LRBA: variants seen among roughly 807,000 people sequenced by gnomAD.
LRBA encodes LPS responsive beige-like anchor protein, also known as lipopolysaccharide-responsive and beige-like anchor protein.
LRBA carries 176 observed loss-of-function variants against 330.0 expected under a neutral mutation model. The observed-to-expected ratio is 0.53, with a 90% CI of 0.47 to 0.60. The LOEUF (loss-of-function observed/expected upper bound fraction) is 0.60, where lower values mean the gene tolerates loss of function less well. LRBA is among the 20% of genes least tolerant of loss of function. LRBA has a pLI of 0.00. For synonymous variants in LRBA, 1,230 were observed against 1,193.0 expected, an observed-to-expected ratio of 1.03 and a Z score of -0.64; for missense variants, 3,259 against 3,444.8, an observed-to-expected ratio of 0.95 and a Z score of 1.35.
chr4:150,955,293 A>G (rs1367802764), intron 2 of LRBA, among the ~76,000 whole-genome samples: 2 of 149,108 alleles, frequency 1.3e-5, no homozygotes, highest in African/African-American at 5.2e-5. Context: ...GGAAAGGAAA[A>G]AAAGAAAATA....
intron 37 of LRBA, among the ~76,000 whole-genome samples, chr4:150,602,748 A>G (rs1561411677): frequency 6.6e-6 from 1 of 152,182 alleles, no homozygotes. Flanking sequence ...AAATTGGCAA[A>G]TTTATTAATA....
At chr4:150,995,435 T>C (rs149738540) in intron 2 of LRBA, among the ~76,000 whole-genome samples, 7 of 151,496 alleles carry the variant, frequency 4.6e-5, no homozygotes, top group Admixed American at 4.6e-4. Flanking sequence ...TAATCAGATA[T>C]ATAATATAAA....
rs374234338 is a variant in LRBA at position 150,852,709 on chromosome 4, G to A, written c.3001C>T (p.Leu1001=). 1.9e-6 allele frequency: 3 copies of A among 1,613,920 alleles called. No individual in the cohort carries two copies. The highest frequency in any genetic ancestry group is 2.5e-6 in the Non-Finnish European group (3 of 1,179,848). Residue 1001 remains leucine, a synonymous_variant, in exon 23 of 57, where the codon CTA becomes TTA. Transcript: ENST00000651943. ...ENSSIEKTSS[L]ESASNIELQT... ...AGTTCAATATTAGATGCAGATTCTA[G>A]TGAACTTGTCTTCTCTATACTTGAA...
At chr4:151,015,543 C>T (rs1253223453), upstream of LRBA, 1 of 152,952 alleles carries the variant, frequency 6.5e-6, no homozygotes, top group Non-Finnish European at 1.5e-5. Context: ...TCCATGGCTT[C>T]CTGGCCCGCC....
intron 54 of LRBA, 98 bp downstream of exon 54, chr4:150,285,835 A>G: frequency 1.6e-6 from 1 of 634,908 alleles, no homozygotes; most frequent in East Asian, 3.3e-5. Flanking sequence ...CATAACAGAC[A>G]GAAGCTTTAG....
At chr4:150,978,886 G>T (rs1479731435) in intron 2 of LRBA, among the ~76,000 whole-genome samples, 2 of 152,092 alleles carry the variant, frequency 1.3e-5, no homozygotes, top group Admixed American at 1.3e-4. Context: ...ATGCCTACAA[G>T]ATCTAGAAAA....
At chr4:150,436,924 C>G in intron 44 of LRBA, 60 bp from the exon 45 acceptor site, 1 of 1,468,984 alleles carries the variant, frequency 6.8e-7, no homozygotes, top group Non-Finnish European at 9.5e-7. Flanking sequence ...TCATGTCTTC[C>G]TCTCTTCTGA....
intron 46 of LRBA, among the ~76,000 whole-genome samples, chr4:150,421,298 TTA>T (rs1378184639): frequency 7.0e-6 from 1 of 143,582 alleles, no homozygotes; most frequent in Non-Finnish European, 1.5e-5. Flanking sequence ...TATACATATA[TTA>T]TATATATAAA....
At chr4:150,842,086 A>C (rs182003988) in intron 28 of LRBA, among the ~76,000 whole-genome samples, 17 of 152,302 alleles carry the variant, frequency 1.1e-4, no homozygotes, top group Non-Finnish European at 2.5e-4. Flanking sequence ...ATTACAAAAC[A>C]CTTAAAATTA....
chr4:150,916,329 A>G, intron 7 of LRBA, 72 bp downstream of exon 7: 1 of 1,453,344 alleles, frequency 6.9e-7, no homozygotes, highest in Non-Finnish European at 9.3e-7. Flanking sequence ...TTATATGAAT[A>G]ACATTAAAAC....
intron 46 of LRBA, chr4:150,423,504 A>T (rs1581264421): frequency 4.1e-6 from 2 of 492,552 alleles, no homozygotes; most frequent in Admixed American, 2.6e-5. Flanking sequence ...CTTTCCATGG[A>T]CCTGGGTGTC....
intron 40 of LRBA, among the ~76,000 whole-genome samples, chr4:150,524,658 T>C (rs540663643): frequency 6.6e-6 from 1 of 152,288 alleles, no homozygotes; most frequent in South Asian, 2.1e-4. Flanking sequence ...TGAAATACAG[T>C]AGAAAATATC....
Position 150,588,032 on chromosome 4 carries a change from C to A in LRBA, c.6330+16G>T. On this transcript the variant is annotated intron_variant, in intron 40 of 56. Transcript: ENST00000651943. ...ATCCCATCATAAGAAAAAATGAAACCCCTTCATCTTCTCACCTTGGGGTCG... is the reference window on the plus strand; with the variant it reads ...ATCCCATCATAAGAAAAAATGAAACACCTTCATCTTCTCACCTTGGGGTCG... 1 of 1,608,034 alleles carries A rather than the reference C, an allele frequency of 6.2e-7. No individual in the cohort carries two copies. Among genetic ancestry groups the A allele is most frequent in the Non-Finnish European group, 8.5e-7 (1 of 1,177,550 alleles).
At chr4:150,353,743 T>C (rs1394197468) in intron 47 of LRBA, among the ~76,000 whole-genome samples, 1 of 152,168 alleles carries the variant, frequency 6.6e-6, no homozygotes, top group Non-Finnish European at 1.5e-5. Flanking sequence ...TACATTGTCA[T>C]AGGTCAGTCC....
intron 34 of LRBA, among the ~76,000 whole-genome samples, chr4:150,771,694 G>A (rs750680379): frequency 5.3e-5 from 8 of 152,096 alleles, no homozygotes; most frequent in Non-Finnish European, 1.0e-4. Context: ...ACTTACTGTT[G>A]GTCTCCACTG....
chr4:150,878,571 A>T (rs1388955759), intron 17 of LRBA, among the ~76,000 whole-genome samples: 2 of 152,020 alleles, frequency 1.3e-5, no homozygotes, highest in African/African-American at 4.8e-5. Flanking sequence ...TGGTTATTTG[A>T]ATGGATAAAG....
rs1277670089 is a variant in LRBA at position 150,286,020 on chromosome 4, G to A, written c.8032C>T (p.Pro2678Ser). 1.1e-5 allele frequency: 17 copies of A among 1,577,728 alleles called. No homozygotes were observed. The highest frequency in any genetic ancestry group is 1.5e-5 in the Non-Finnish European group (17 of 1,161,402). The change falls in exon 54 of 57, where the codon CCT becomes TCT. Residue 2678 changes from proline (P) to serine (S), a missense_variant. Pro to Ser is a moderately conservative substitution (Grantham distance 74, BLOSUM62 -1). Transcript: ENST00000651943. ...GDNPGSETAA[P>S]RAILTGHDYE... is the part of the protein sequence containing the mutation. ...TCATGGCCGGTCAAAATGGCCCGAG[G>A]AGCAGCAGTCTCACCTTTAGGAAAA...
intron 40 of LRBA, among the ~76,000 whole-genome samples, chr4:150,502,509 C>T (rs1760414343): frequency 6.6e-6 from 1 of 152,142 alleles, no homozygotes; most frequent in African/African-American, 2.4e-5. Flanking sequence ...GAGGAGAGAA[C>T]TTAATTAAAC....
rs1054209551 is a variant in LRBA, at chr4:150,766,036, T to G, written c.5581-4189A>C. Among the ~76,000 whole-genome samples the G allele has an allele frequency of 4.6e-5, 7 of 152,180 alleles. No individual in the cohort carries two copies. The South Asian group carries it at 1.4e-3, about 32-fold the overall frequency. ...TATATAATTGAAGAAGTTCAGTGTT[T>G]TATGGAGGCTCAGAAACTCAAATTT... On this transcript the variant is annotated intron_variant, in intron 34 of 56. Transcript: ENST00000651943.
Sources: allele counts gnomAD v4.1 joint callset (sites outside exome capture counted in the v4.1 genomes callset), GRCh38; gene constraint gnomAD v4.1.1; transcripts MANE v1.5; gene names NCBI Gene and HGNC (gene_info 2026-07-23, HGNC 2026-07-21).